Variants in CADM1 observed in about 807,000 individuals in gnomAD.
The protein encoded by CADM1 is cell adhesion molecule 1.
Under a neutral mutation model 53.1 loss-of-function variants are expected in CADM1, and 15 were observed. The observed-to-expected ratio is 0.28, with a 90% confidence interval of 0.19 to 0.44. CADM1 has a LOEUF of 0.44. Among genes scored for constraint, CADM1 ranks in the 20% least tolerant of loss-of-function variants. CADM1 has a pLI of 1.00. For missense variants in CADM1, 434 were observed against 611.3 expected (o/e 0.71, Z 3.06); for synonymous variants, 281 against 243.0 (o/e 1.16, Z -1.45).
rs1217774308 is a variant in CADM1 at position 115,430,844 on chromosome 11, ACT to A, written c.124+73425_124+73426del. Among the ~76,000 whole-genome samples, 8 of 152,114 alleles carry A rather than the reference ACT, an allele frequency of 5.3e-5. No homozygotes were observed. In the East Asian group the frequency reaches 1.4e-3, roughly 26 times the overall value. Reference sequence around the variant, plus strand: ...TGACTTAGTTTATAAGGAATAAAAGACTCTCTAGTATTTTAACTCATTTTCGA... The same window carrying A: ...TGACTTAGTTTATAAGGAATAAAAGACTCTAGTATTTTAACTCATTTTCGA... On this transcript the variant is annotated intron_variant, in intron 1 of 11. Coordinates refer to ENST00000331581, the MANE Select transcript of CADM1 (RefSeq NM_001301043.2).
At chr11:115,403,273 G>C (rs192366636) in intron 1 of CADM1, among the ~76,000 whole-genome samples, 4 of 99,064 alleles carry the variant, frequency 4.0e-5, no homozygotes, top group Non-Finnish European at 8.0e-5. Context: ...AAACTATCAA[G>C]GAAGGTCATA....
intron 1 of CADM1, among the ~76,000 whole-genome samples, chr11:115,487,632 A>G (rs1469024719): frequency 6.6e-6 from 1 of 152,244 alleles, no homozygotes; most frequent in Non-Finnish European, 1.5e-5. Context: ...TGAATGGAAT[A>G]TAATGCTTGA....
At chr11:115,376,987 T>C (rs935007199) in intron 1 of CADM1, among the ~76,000 whole-genome samples, 1 of 152,156 alleles carries the variant, frequency 6.6e-6, no homozygotes, top group East Asian at 1.9e-4. Context: ...TTCTGTCACT[T>C]TAATGTCTAG....
chr11:115,444,547 C>T (rs909699434), intron 1 of CADM1, among the ~76,000 whole-genome samples: 7 of 152,130 alleles, frequency 4.6e-5, no homozygotes, highest in Admixed American at 1.3e-4. Flanking sequence ...AATGTTGTTA[C>T]TAAACTAAAG....
At chr11:115,461,298 T>C (rs191656922) in intron 1 of CADM1, among the ~76,000 whole-genome samples, 2 of 152,212 alleles carry the variant, frequency 1.3e-5, no homozygotes, top group African/African-American at 4.8e-5. Context: ...GAAGGTGTCA[T>C]CTTCATATAG....
At chr11:115,433,171 T>A (rs1948099168) in intron 1 of CADM1, among the ~76,000 whole-genome samples, 1 of 152,198 alleles carries the variant, frequency 6.6e-6, no homozygotes, top group African/African-American at 2.4e-5. Flanking sequence ...CTTCCTCTGC[T>A]GATTGCTGTA....
chr11:115,404,341 AAAAAAATATATAT>A (rs1193504014), intron 1 of CADM1, among the ~76,000 whole-genome samples: 56 of 42,406 alleles, frequency 1.3e-3, no homozygotes, highest in African/African-American at 4.0e-3. Context: ...AAAAAAAAAA[AAAAAAATATATAT>A]ATATATATAT....
chr11:115,257,079 G>A (rs1942813325), intron 1 of CADM1, among the ~76,000 whole-genome samples: 1 of 152,068 alleles, frequency 6.6e-6, no homozygotes, highest in African/African-American at 2.4e-5. Flanking sequence ...AACAATTGAG[G>A]CACTTTATTA....
intron 1 of CADM1, among the ~76,000 whole-genome samples, chr11:115,247,356 C>T: frequency 6.6e-6 from 1 of 152,190 alleles, no homozygotes; most frequent in South Asian, 2.1e-4. Flanking sequence ...TCTATTGTGT[C>T]AAGCTGCATA....
intron 1 of CADM1, among the ~76,000 whole-genome samples, chr11:115,336,435 C>T (rs1945269219): frequency 6.6e-6 from 1 of 152,134 alleles, no homozygotes; most frequent in African/African-American, 2.4e-5. Flanking sequence ...CAATTTATGT[C>T]AGCATTTAAA....
chr11:115,445,778 G>A (rs577566372), intron 1 of CADM1: 20 of 453,788 alleles, frequency 4.4e-5, no homozygotes, highest in African/African-American at 3.2e-4. Flanking sequence ...CGGGAAGGCC[G>A]AGGCTGCAGT....
chr11:115,453,938 T>A (rs1316868954), intron 1 of CADM1, among the ~76,000 whole-genome samples: 2 of 152,154 alleles, frequency 1.3e-5, no homozygotes, highest in Non-Finnish European at 2.9e-5. Context: ...TTATAAGATA[T>A]ATCCTTCTAG....
At chr11:115,247,704 C>A (rs1942451310) in intron 1 of CADM1, among the ~76,000 whole-genome samples, 1 of 152,210 alleles carries the variant, frequency 6.6e-6, no homozygotes, top group Admixed American at 6.5e-5. Flanking sequence ...CCCATTTTCT[C>A]AAACCTCATG....
intron 1 of CADM1, among the ~76,000 whole-genome samples, chr11:115,434,224 A>T (rs1332600926): frequency 2.0e-5 from 3 of 152,196 alleles, no homozygotes; most frequent in Non-Finnish European, 4.4e-5. Flanking sequence ...TTTGGTTCCC[A>T]AAAGCATATT....
intron 8 of CADM1, among the ~76,000 whole-genome samples, chr11:115,203,362 C>T (rs1442098157): frequency 6.6e-6 from 1 of 151,824 alleles, no homozygotes; most frequent in Non-Finnish European, 1.5e-5. Flanking sequence ...AAGAGGAAGG[C>T]AGAGGGGAGG....
rs150207087 is a variant in CADM1 at position 115,359,545 on chromosome 11, C to T, written c.125-119125G>A. Among the ~76,000 whole-genome samples, 1,475 of 152,112 alleles carry T rather than the reference C, an allele frequency of 9.7e-3. 20 individuals are homozygous for T. The highest frequency in any genetic ancestry group is 0.033 in the African/African-American group (1,353 of 41,506). On this transcript the variant is annotated intron_variant, in intron 1 of 11. Coordinates refer to ENST00000331581, the MANE Select transcript of CADM1 (RefSeq NM_001301043.2). ...ACTTCCTTAGAGAAATGGGTCCCAC[C>T]GTGATTACAGTGACTCCTACATTTT...
intron 7 of CADM1, among the ~76,000 whole-genome samples, chr11:115,211,573 G>A (rs534181191): frequency 7.0e-5 from 10 of 143,806 alleles, no homozygotes; most frequent in Non-Finnish European, 1.0e-4. Flanking sequence ...TCCGCTTCCC[G>A]GGTTCAAGCA....
intron 1 of CADM1, among the ~76,000 whole-genome samples, chr11:115,359,972 C>G (rs146295092): frequency 2.0e-5 from 3 of 152,248 alleles, no homozygotes; most frequent in Admixed American, 2.0e-4. Flanking sequence ...ATGTTGAGAG[C>G]CTTGAATAAA....
chr11:115,300,237 G>A (rs182082359), intron 1 of CADM1, among the ~76,000 whole-genome samples: 1 of 152,232 alleles, frequency 6.6e-6, no homozygotes, highest in East Asian at 1.9e-4. Flanking sequence ...GAATTTTCAA[G>A]GGGCTCCTGC....
Sources: gnomAD v4.1 joint callset for allele counts (sites outside exome capture counted in the v4.1 genomes callset) on GRCh38, gnomAD v4.1.1 for gene constraint, MANE v1.5 for transcripts, NCBI Gene and HGNC (gene_info 2026-07-23, HGNC 2026-07-21) for gene names.